DSC3: variants seen among roughly 807,000 people sequenced by gnomAD.
The protein encoded by DSC3 is desmocollin 3.
Under a neutral mutation model 89.5 loss-of-function variants are expected in DSC3, and 97 were observed. The ratio of observed to expected loss-of-function variants is 1.08; its 90% confidence interval spans 0.92 to 1.28. DSC3 has a LOEUF of 1.28. DSC3 is among the 50% of genes most tolerant of loss of function. DSC3 has a pLI of 0.00. For synonymous variants in DSC3, 436 were observed against 384.1 expected (o/e 1.14, Z -1.58); for missense variants, 1,199 against 1,085.3 (o/e 1.10, Z -1.47).
intron 12 of DSC3, among the ~76,000 whole-genome samples, chr18:31,004,702 C>A (rs1398995648): frequency 1.3e-5 from 2 of 149,198 alleles, no homozygotes; most frequent in Non-Finnish European, 1.5e-5. Context: ...AATGTATCTA[C>A]AGGTACACAC....
intron 1 of DSC3, among the ~76,000 whole-genome samples, chr18:31,036,019 C>T (rs1481830843): frequency 6.6e-6 from 1 of 152,044 alleles, no homozygotes; most frequent in Admixed American, 6.6e-5. Context: ...TTTAGTCATT[C>T]TCCTATTGAT....
intron 15 of DSC3, among the ~76,000 whole-genome samples, chr18:30,995,664 T>C (rs1984429873): frequency 6.6e-6 from 1 of 152,152 alleles, no homozygotes; most frequent in African/African-American, 2.4e-5. Flanking sequence ...CCATTAGTTA[T>C]GTTTTAAAAG....
intron 9 of DSC3, among the ~76,000 whole-genome samples, chr18:31,012,705 TG>T (rs968188715): frequency 2.0e-5 from 3 of 151,950 alleles, no homozygotes; most frequent in African/African-American, 7.2e-5. Flanking sequence ...GTTTCAGAGA[TG>T]GAAAAAAAGA....
chr18:31,036,286 TTTTA>T (rs1985966247), intron 1 of DSC3, among the ~76,000 whole-genome samples: 1 of 152,180 alleles, frequency 6.6e-6, no homozygotes, highest in South Asian at 2.1e-4. Flanking sequence ...TTAATTTGCA[TTTTA>T]TTTATTTGTT....
intron 1 of DSC3, among the ~76,000 whole-genome samples, chr18:31,038,806 T>A (rs1374979989): frequency 6.6e-6 from 1 of 152,078 alleles, no homozygotes; most frequent in Non-Finnish European, 1.5e-5. Flanking sequence ...TCAAAGTTCC[T>A]AACTATATAG....
intron 15 of DSC3, 87 bp from the exon 16 acceptor site, chr18:30,994,459 A>C (rs1478239276): frequency 3.1e-6 from 5 of 1,597,612 alleles, no homozygotes; most frequent in Non-Finnish European, 3.4e-6. Flanking sequence ...TTTACCTTTT[A>C]TGTTTAATTT....
chr18:31,034,680 C>T (rs1985914292), intron 1 of DSC3, among the ~76,000 whole-genome samples: 1 of 152,050 alleles, frequency 6.6e-6, no homozygotes, highest in Non-Finnish European at 1.5e-5. Flanking sequence ...ATGCATGCTA[C>T]AACAAGGATA....
intron 1 of DSC3, among the ~76,000 whole-genome samples, chr18:31,042,257 C>G (rs1432015832): frequency 6.6e-6 from 1 of 152,306 alleles, no homozygotes; most frequent in East Asian, 1.9e-4. Context: ...CCATCACCAC[C>G]AGCTCCACCA....
intron 2 of DSC3, 131 bp from the exon 3 acceptor site, chr18:31,031,303 A>G (rs1260822700): frequency 4.7e-6 from 3 of 641,536 alleles, no homozygotes; most frequent in East Asian, 2.8e-5. Flanking sequence ...CATTTACCAG[A>G]TATCTTAACC....
At chr18:31,008,639 G>A (rs1984953411) in intron 9 of DSC3, 114 bp from the exon 10 acceptor site, 4 of 1,369,344 alleles carry the variant, frequency 2.9e-6, no homozygotes, top group Non-Finnish European at 4.1e-6. Flanking sequence ...ATGTTCACAT[G>A]TTGTTAATAC....
intron 12 of DSC3, 92 bp from the exon 13 acceptor site, chr18:31,004,458 C>T (rs1309670006): frequency 2.7e-6 from 3 of 1,101,636 alleles, no homozygotes; most frequent in Admixed American, 4.1e-5. Flanking sequence ...AGGCGTCATT[C>T]TCAAGGAACT....
chr18:30,992,542 G>T lies in DSC3; in HGVS notation c.*1633C>A, dbSNP rs1984303135. On this transcript the variant is annotated 3_prime_UTR_variant, in exon 16 of 16. Coordinates refer to ENST00000360428, the MANE Select transcript of DSC3 (RefSeq NM_001941.5). ...AAGGAAAAGGCAGTGCCAAGCCTAG[G>T]AAAAAGTATGAAGCAGACGATGTTG... 1 of 152,196 alleles carries T rather than the reference G, an allele frequency of 6.6e-6. No homozygotes were observed. The highest frequency in any genetic ancestry group is 1.5e-5 in the Non-Finnish European group (1 of 68,060). The allele number at this position is 152,196 out of a possible 1,614,324, so 9.4% of individuals were successfully genotyped here. A position where few individuals can be genotyped will look rare whatever the true frequency, so the allele number is the denominator to read the frequency against.
At chr18:31,033,894 G>T (rs1221916539) in intron 1 of DSC3, among the ~76,000 whole-genome samples, 2 of 152,164 alleles carry the variant, frequency 1.3e-5, no homozygotes, top group Non-Finnish European at 2.9e-5. Context: ...CACGATCTAG[G>T]CTCCCTGCAA....
At chr18:31,029,478 G>C (rs1357207514) in intron 4 of DSC3, 31 bp downstream of exon 4, 1 of 1,613,104 alleles carries the variant, frequency 6.2e-7, no homozygotes, top group Admixed American at 1.7e-5. Context: ...TAGAATTAAA[G>C]CAACCCTGAC....
intron 1 of DSC3, among the ~76,000 whole-genome samples, chr18:31,034,831 G>A (rs1462331366): frequency 1.3e-5 from 2 of 152,160 alleles, no homozygotes; most frequent in Non-Finnish European, 2.9e-5. Flanking sequence ...AAATGGGTAT[G>A]AGGCTTATTT....
intron 13 of DSC3, 81 bp from the exon 14 acceptor site, chr18:31,001,820 A>G: frequency 8.5e-7 from 1 of 1,174,794 alleles, no homozygotes; most frequent in Non-Finnish European, 1.2e-6. Flanking sequence ...TTACGACCTA[A>G]GGATCAAAGT....
rs1246559562 is a variant in DSC3, at chr18:30,991,544, AG to A, written c.*2630del. On this transcript the variant is annotated 3_prime_UTR_variant, in exon 16 of 16. Transcript: ENST00000360428. ...TGGTTAGAGGTTTTATAAACAGGGA[AG>A]TGATACTGGTTGCTCTTTGAGAAAG... 6.6e-6 allele frequency: 1 copy of A among 152,216 alleles called. No individual in the cohort carries two copies. Among genetic ancestry groups the A allele is most frequent in the Non-Finnish European group, 1.5e-5 (1 of 68,046 alleles). 9.4% of individuals were successfully genotyped at this position (152,216 alleles called of 1,614,324 possible).
At chr18:31,036,482 GT>G (rs1042277432) in intron 1 of DSC3, among the ~76,000 whole-genome samples, 1 of 150,864 alleles carries the variant, frequency 6.6e-6, no homozygotes, top group Non-Finnish European at 1.5e-5. Flanking sequence ...CTTCAATTTT[GT>G]TTTTTTCATT....
At chr18:31,036,424 T>G (rs1985970473) in intron 1 of DSC3, among the ~76,000 whole-genome samples, 1 of 152,222 alleles carries the variant, frequency 6.6e-6, no homozygotes, top group Non-Finnish European at 1.5e-5. Context: ...TAGGTTTACT[T>G]AGTTTGCTTT....
Sources: gnomAD v4.1 joint callset for allele counts (sites outside exome capture counted in the v4.1 genomes callset) on GRCh38, gnomAD v4.1.1 for gene constraint, MANE v1.5 for transcripts, NCBI Gene and HGNC (gene_info 2026-07-23, HGNC 2026-07-21) for gene names.